B3GALNT2: variants seen among roughly 807,000 people sequenced by gnomAD.
B3GALNT2 encodes the protein beta-1,3-N-acetylgalactosaminyltransferase 2.
Under a neutral mutation model 61.1 loss-of-function variants are expected in B3GALNT2, and 53 were observed. That is an observed-to-expected ratio of 0.87 (90% CI 0.70 to 1.09). The LOEUF (loss-of-function observed/expected upper bound fraction) is 1.09, where lower values mean the gene tolerates loss of function less well. Among genes scored for constraint, B3GALNT2 ranks in the 50% least tolerant of loss-of-function variants. The pLI is 0.00. For missense variants in B3GALNT2, 544 were observed against 623.0 expected (o/e 0.87, Z 1.35); for synonymous variants, 223 against 237.4 (o/e 0.94, Z 0.56).
intron 9 of B3GALNT2, among the ~76,000 whole-genome samples, chr1:235,454,838 T>C (rs191378209): frequency 5.9e-5 from 9 of 152,326 alleles, no homozygotes; most frequent in African/African-American, 1.2e-4. Context: ...GTTGCATTTG[T>C]AGAGTTTCTG....
chr1:235,442,760 T>C, downstream of B3GALNT2: 1 of 1,225,554 alleles, frequency 8.2e-7, no homozygotes, highest in East Asian at 2.5e-5. Context: ...ACTGAATACC[T>C]CTATCATTTG....
At chr1:235,442,203 T>G (rs563224445), downstream of B3GALNT2, among the ~76,000 whole-genome samples, 6 of 151,890 alleles carry the variant, frequency 4.0e-5, no homozygotes, top group African/African-American at 1.2e-4. Flanking sequence ...GGAGTTTTGC[T>G]CTTGTTGCCC....
Position 235,504,283 on chromosome 1 carries a change from C to G in B3GALNT2, c.-31G>C, listed in dbSNP as rs756694638. On this transcript the variant is annotated 5_prime_UTR_variant, in exon 1 of 12. Transcript: ENST00000366600. ...GCCCCCGCCGCGAGCCGGGCTCTCC[C>G]GCGTCCCGGCGGAGAGGGAGGGGAC... 3 of 1,482,434 alleles carry G rather than the reference C, an allele frequency of 2.0e-6. No homozygotes were observed. Among genetic ancestry groups the G allele is most frequent in the African/African-American group, 1.5e-5 (1 of 68,192 alleles). The allele number at this position is 1,482,434 out of a possible 1,614,324, so 91.8% of individuals were successfully genotyped here.
At chr1:235,468,929 G>A (rs1683855580) in intron 6 of B3GALNT2, among the ~76,000 whole-genome samples, 1 of 152,094 alleles carries the variant, frequency 6.6e-6, no homozygotes, top group Non-Finnish European at 1.5e-5. Context: ...AACAAGTGGT[G>A]TGTGTGTTTA....
chr1:235,472,264 T>C (rs1433696331), intron 5 of B3GALNT2, among the ~76,000 whole-genome samples: 1 of 152,230 alleles, frequency 6.6e-6, no homozygotes, highest in Non-Finnish European at 1.5e-5. Flanking sequence ...TGATTATTAC[T>C]ATTAAATTCT....
intron 11 of B3GALNT2, chr1:235,451,211 C>T (rs922408783): frequency 1.3e-5 from 2 of 152,156 alleles, no homozygotes; most frequent in Non-Finnish European, 2.9e-5. Flanking sequence ...ACACACTCAG[C>T]TTGTCTGTCT....
the B3GALNT2 span, among the ~76,000 whole-genome samples, chr1:235,442,086 C>T: frequency 6.6e-6 from 1 of 151,526 alleles, no homozygotes; most frequent in East Asian, 1.9e-4. Flanking sequence ...CAGCTCATTG[C>T]AACCTCCGCC....
intron 6 of B3GALNT2, among the ~76,000 whole-genome samples, chr1:235,470,143 C>T (rs1029424238): frequency 2.0e-5 from 3 of 152,106 alleles, no homozygotes; most frequent in Non-Finnish European, 4.4e-5. Flanking sequence ...AAGTGATCCA[C>T]CTGCCTCAGC....
intron 1 of B3GALNT2, chr1:235,496,412 T>A: frequency 1.4e-6 from 1 of 706,684 alleles, no homozygotes; most frequent in Non-Finnish European, 1.8e-6. Context: ...AAAGACAATT[T>A]ATTTTTAAAT....
chr1:235,483,986 G>A (rs1684676432), intron 4 of B3GALNT2, among the ~76,000 whole-genome samples: 1 of 152,112 alleles, frequency 6.6e-6, no homozygotes, highest in Admixed American at 6.5e-5. Context: ...GAAGTAAGAG[G>A]CAATAATACT....
chr1:235,445,410 C>T (rs150612604), downstream of B3GALNT2, among the ~76,000 whole-genome samples: 6,490 of 152,284 alleles, frequency 0.043, 211 homozygotes, highest in Non-Finnish European at 0.071. Context: ...GGGCAAATTG[C>T]TTGAGCCCAG....
chr1:235,494,102 C>G (rs1035164951), intron 2 of B3GALNT2, among the ~76,000 whole-genome samples: 3 of 152,114 alleles, frequency 2.0e-5, no homozygotes, highest in African/African-American at 7.2e-5. Flanking sequence ...GCAGATTACA[C>G]AACTAAAAAA....
intron 6 of B3GALNT2, among the ~76,000 whole-genome samples, chr1:235,466,700 A>G (rs1002042761): frequency 6.6e-6 from 1 of 152,192 alleles, no homozygotes; most frequent in African/African-American, 2.4e-5. Context: ...CCAGCAGCCA[A>G]TGACAGTCCT....
At chr1:235,499,575 T>G (rs542168885) in intron 1 of B3GALNT2, among the ~76,000 whole-genome samples, 1 of 152,210 alleles carries the variant, frequency 6.6e-6, no homozygotes, top group Admixed American at 6.5e-5. Flanking sequence ...CAAGGGAAAG[T>G]TTTCCCTCTG....
At chr1:235,440,028 T>TG in the B3GALNT2 span, among the ~76,000 whole-genome samples, 1 of 152,092 alleles carries the variant, frequency 6.6e-6, no homozygotes, top group African/African-American at 2.4e-5. Context: ...TGGAGTGCAG[T>TG]GCCGCGATCT....
In B3GALNT2 at chr1:235,448,447, T is replaced by G. The variant is rs1395621211; in HGVS notation, c.*1759A>C. On this transcript the variant is annotated 3_prime_UTR_variant, in exon 12 of 12. Transcript: ENST00000366600. The stretch of plus-strand genomic sequence containing the variant: ...GTCCTATGAAAGTCCCAAAGTAAGT[T>G]GCCCAGCAAAATACAAAGTCAAAGT... The G allele has an allele frequency of 1.2e-6, 2 of 1,613,784 alleles. No homozygotes were observed. The highest frequency in any genetic ancestry group is 1.3e-5 in the African/African-American group (1 of 75,006).
chr1:235,467,483 CTTTTT>C (rs373792377), intron 6 of B3GALNT2, among the ~76,000 whole-genome samples: 5 of 116,642 alleles, frequency 4.3e-5, no homozygotes, highest in Admixed American at 8.8e-5. Flanking sequence ...TACTTATTTA[CTTTTT>C]TTTTTTTTTT....
At chr1:235,471,145 A>G (rs1683986799) in intron 5 of B3GALNT2, among the ~76,000 whole-genome samples, 185 bp from the exon 6 acceptor site, 1 of 152,160 alleles carries the variant, frequency 6.6e-6, no homozygotes, top group Non-Finnish European at 1.5e-5. Context: ...TTTTCCATGC[A>G]CATATAAAAA....
At chr1:235,465,459 G>A (rs1321915033) in intron 7 of B3GALNT2, 177 bp downstream of exon 7, 11 of 989,740 alleles carry the variant, frequency 1.1e-5, no homozygotes, top group Non-Finnish European at 1.3e-5. Context: ...TTTGGGAGGT[G>A]GAGCCGGTTG....
Sources: gnomAD v4.1 joint callset for allele counts (sites outside exome capture counted in the v4.1 genomes callset) on GRCh38, gnomAD v4.1.1 for gene constraint, MANE v1.5 for transcripts, NCBI Gene and HGNC (gene_info 2026-07-23, HGNC 2026-07-21) for gene names.